Variants in FAM117B observed in about 807,000 individuals in gnomAD.
The protein encoded by FAM117B is protein FAM117B.
FAM117B carries 22 observed loss-of-function variants against 52.8 expected under a neutral mutation model. The observed-to-expected ratio is 0.42, with a 90% CI of 0.30 to 0.59. The LOEUF (loss-of-function observed/expected upper bound fraction) is 0.59. Among genes scored for constraint, FAM117B ranks in the 20% least tolerant of loss-of-function variants. The pLI, the probability that FAM117B is intolerant of heterozygous loss-of-function variation, is 0.22. For missense variants in FAM117B, 678 were observed against 802.6 expected (o/e 0.84, Z 1.88); for synonymous variants, 309 against 324.1 (o/e 0.95, Z 0.50).
chr2:202,679,497 G>C (rs1690430178), intron 1 of FAM117B, among the ~76,000 whole-genome samples: 2 of 152,206 alleles, frequency 1.3e-5, no homozygotes, highest in Admixed American at 1.3e-4. Context: ...AACTCCATTA[G>C]GCTGGACAAG....
intron 1 of FAM117B, among the ~76,000 whole-genome samples, chr2:202,651,060 CTTTT>C (rs138809054): frequency 2.4e-5 from 3 of 124,214 alleles, no homozygotes; most frequent in Admixed American, 1.6e-4. Flanking sequence ...ATTTGCCATT[CTTTT>C]TTTTTTTTTT....
chr2:202,648,857 G>A (rs903977438), intron 1 of FAM117B, among the ~76,000 whole-genome samples: 1 of 151,956 alleles, frequency 6.6e-6, no homozygotes, highest in African/African-American at 2.4e-5. Context: ...TGACTCCCGG[G>A]TTCAGGCGAT....
chr2:202,636,469 G>C (rs1689688180), intron 1 of FAM117B, among the ~76,000 whole-genome samples: 1 of 152,202 alleles, frequency 6.6e-6, no homozygotes, highest in South Asian at 2.1e-4. Flanking sequence ...ACAGAATCCA[G>C]TGTTTTGTCT....
At chr2:202,748,228 A>G (rs749863793) in intron 4 of FAM117B, among the ~76,000 whole-genome samples, 2 of 152,192 alleles carry the variant, frequency 1.3e-5, no homozygotes, top group Non-Finnish European at 2.9e-5. Flanking sequence ...AAACTGATTT[A>G]TGCAGAAGGA....
chr2:202,642,309 A>G (rs1264270692), intron 1 of FAM117B, among the ~76,000 whole-genome samples: 2 of 147,510 alleles, frequency 1.4e-5, no homozygotes, highest in Admixed American at 6.8e-5. Flanking sequence ...ACTCACAGTT[A>G]TTATTACTAG....
chr2:202,741,416 C>CAAA lies in FAM117B; in HGVS notation c.961-14094_961-14092dup, dbSNP rs1156278814. 1.5e-3 allele frequency among the ~76,000 whole-genome samples: 54 copies of CAAA among 34,966 alleles called. 7 individuals carry two copies. Among genetic ancestry groups the CAAA allele is most frequent in the East Asian group, 5.1e-3 (4 of 780 alleles). The allele number at this position is 34,966 out of a possible 152,430, so 22.9% of individuals were successfully genotyped here. A position where few individuals can be genotyped will look rare whatever the true frequency, so the allele number is the denominator to read the frequency against. On this transcript the variant is annotated intron_variant, in intron 4 of 7. Coordinates refer to ENST00000392238, the MANE Select transcript of FAM117B (RefSeq NM_173511.4). ...CTGGTGACAGAGCAAGACTCTGTCT[C>CAAA]AAAAAAAAAAAAAAAAAAAAAAAAA... is the stretch of plus-strand genomic sequence containing the variant.
intron 1 of FAM117B, among the ~76,000 whole-genome samples, chr2:202,682,379 G>A (rs1191629644): frequency 6.6e-6 from 1 of 152,180 alleles, no homozygotes; most frequent in Admixed American, 6.5e-5. Context: ...CCTAGATGGT[G>A]TCTCGGGGCT....
chr2:202,638,217 C>G (rs924705783), intron 1 of FAM117B, among the ~76,000 whole-genome samples: 6 of 152,192 alleles, frequency 3.9e-5, no homozygotes, highest in African/African-American at 1.4e-4. Flanking sequence ...AAAACTGCTT[C>G]AGTCCTTCAG....
At chr2:202,638,124 C>T (rs574852192) in intron 1 of FAM117B, among the ~76,000 whole-genome samples, 2 of 152,144 alleles carry the variant, frequency 1.3e-5, no homozygotes, top group Non-Finnish European at 2.9e-5. Flanking sequence ...GACCTGCCGA[C>T]CTCGGCCTCC....
At chr2:202,744,342 A>G (rs1456859409) in intron 4 of FAM117B, among the ~76,000 whole-genome samples, 1 of 152,226 alleles carries the variant, frequency 6.6e-6, no homozygotes, top group African/African-American at 2.4e-5. Flanking sequence ...AGAGAGATAG[A>G]GGCATGGTGC....
chr2:202,652,420 C>T (rs975200190), intron 1 of FAM117B, among the ~76,000 whole-genome samples: 3 of 152,048 alleles, frequency 2.0e-5, no homozygotes, highest in African/African-American at 7.2e-5. Flanking sequence ...TTTTAGAACC[C>T]GTGCTCACTT....
chr2:202,655,761 A>AGAGTGTGT, intron 1 of FAM117B, among the ~76,000 whole-genome samples: 1 of 100,472 alleles, frequency 1.0e-5, no homozygotes, highest in South Asian at 3.4e-4. Flanking sequence ...AGAGAGAGAG[A>AGAGTGTGT]GTGTGTGTGT....
At chr2:202,759,590 C>T (rs1386260058) in intron 7 of FAM117B, among the ~76,000 whole-genome samples, 1 of 149,066 alleles carries the variant, frequency 6.7e-6, no homozygotes, top group Admixed American at 6.7e-5. Context: ...CAGAGTTTCA[C>T]TCTGACACCC....
chr2:202,691,649 T>TTGTGTGTGTGTGTG (rs199855927), intron 1 of FAM117B, among the ~76,000 whole-genome samples: 14 of 126,868 alleles, frequency 1.1e-4, no homozygotes, highest in Non-Finnish European at 1.9e-4. Flanking sequence ...CCAGTTTACA[T>TTGTGTGTGTGTGTG]TGTGTGTGTG....
intron 4 of FAM117B, among the ~76,000 whole-genome samples, chr2:202,748,609 G>A (rs1691671715): frequency 6.6e-6 from 1 of 151,918 alleles, no homozygotes; most frequent in Admixed American, 6.6e-5. Context: ...TAAAAAATGG[G>A]CAATCTGACT....
chr2:202,693,871 T>G (rs1690669343), intron 1 of FAM117B, among the ~76,000 whole-genome samples: 1 of 152,246 alleles, frequency 6.6e-6, no homozygotes, highest in Admixed American at 6.5e-5. Flanking sequence ...TGTGCTCTTT[T>G]TGTAAATAAA....
At chr2:202,763,838 T>G (rs1302448699) in intron 7 of FAM117B, among the ~76,000 whole-genome samples, 2 of 152,224 alleles carry the variant, frequency 1.3e-5, no homozygotes, top group African/African-American at 4.8e-5. Context: ...ACACATCTTT[T>G]TGGTGTCCAC....
chr2:202,736,558 C>T (rs1431993774), intron 4 of FAM117B, among the ~76,000 whole-genome samples: 1 of 152,080 alleles, frequency 6.6e-6, no homozygotes, highest in Admixed American at 6.6e-5. Context: ...CCCAGGAGTT[C>T]GAGACCAGCC....
chr2:202,638,799 T>C (rs189724870), intron 1 of FAM117B, among the ~76,000 whole-genome samples: 37 of 152,210 alleles, frequency 2.4e-4, no homozygotes, highest in African/African-American at 8.9e-4. Flanking sequence ...AAATAAAAAC[T>C]CTTATTTTTC....
Sources: gnomAD v4.1 joint callset for allele counts (sites outside exome capture counted in the v4.1 genomes callset) on GRCh38, gnomAD v4.1.1 for gene constraint, MANE v1.5 for transcripts, NCBI Gene and HGNC (gene_info 2026-07-23, HGNC 2026-07-21) for gene names.